Variants in TIMM9 observed in about 807,000 individuals in gnomAD.
TIMM9 encodes the protein mitochondrial import inner membrane translocase subunit Tim9.
A neutral mutation model predicts 13.4 loss-of-function variants in TIMM9; 10 were observed. The observed-to-expected ratio is 0.75, with a 90% confidence interval of 0.46 to 1.26. The LOEUF is 1.26. Ranked by LOEUF, TIMM9 falls within the 50% of genes most tolerant of loss-of-function variation. TIMM9 has a pLI of 0.00. For missense variants in TIMM9, 87 were observed against 100.8 expected (o/e 0.86, Z 0.58); for synonymous variants, 32 against 32.1 (o/e 1.00, Z 0.01).
intron 3 of TIMM9, among the ~76,000 whole-genome samples, chr14:58,423,514 CAAAAAAAAAAAA>C (rs398025245): frequency 6.0e-5 from 4 of 66,496 alleles, no homozygotes; most frequent in Non-Finnish European, 1.1e-4. Flanking sequence ...GACTTTGTCT[CAAAAAAAAAAAA>C]AAAAAAAAAA....
At chr14:58,426,770 G>A (rs924451754) in intron 2 of TIMM9, among the ~76,000 whole-genome samples, 1 of 152,146 alleles carries the variant, frequency 6.6e-6, no homozygotes, top group Non-Finnish European at 1.5e-5. Context: ...AGGTCACATC[G>A]TAAATACCTT....
chr14:58,410,076 T>C (rs1017114315), intron 5 of TIMM9, among the ~76,000 whole-genome samples: 2 of 151,590 alleles, frequency 1.3e-5, no homozygotes, highest in African/African-American at 2.4e-5. Context: ...TGGTGCTTTT[T>C]GTTGTTGTTG....
chr14:58,416,725 C>T (rs2036421448), intron 3 of TIMM9, among the ~76,000 whole-genome samples: 1 of 152,196 alleles, frequency 6.6e-6, no homozygotes, highest in Non-Finnish European at 1.5e-5. Flanking sequence ...CTATACTTCA[C>T]TTGAACTGGT....
intron 3 of TIMM9, among the ~76,000 whole-genome samples, chr14:58,416,983 A>C (rs1013900082): frequency 1.3e-5 from 2 of 152,020 alleles, no homozygotes; most frequent in Non-Finnish European, 2.9e-5. Flanking sequence ...TGTGGGAGGG[A>C]CCTGGTGGGA....
At chr14:58,422,791 T>G (rs2036626387) in intron 3 of TIMM9, among the ~76,000 whole-genome samples, 1 of 152,102 alleles carries the variant, frequency 6.6e-6, no homozygotes, top group Non-Finnish European at 1.5e-5. Context: ...ATTTATTTAT[T>G]TACTTATTTT....
In TIMM9 at chr14:58,427,492, T is replaced by G; in HGVS notation, c.-404A>C. 1.4e-5 allele frequency: 16 copies of G among 1,163,348 alleles called. No individual in the cohort carries two copies. Among genetic ancestry groups the G allele is most frequent in the Non-Finnish European group, 1.8e-5 (15 of 821,162 alleles). 72.1% of individuals were successfully genotyped at this position (1,163,348 alleles called of 1,614,324 possible). On this transcript the variant is annotated 5_prime_UTR_variant, in exon 1 of 6. Coordinates refer to ENST00000395159, the MANE Select transcript of TIMM9 (RefSeq NM_012460.4). ...AGTCGGGAGCTCTTCAAGTCTTGGA[T>G]GAGACTGTAGAGCGGTCTTGTGCGG...
chr14:58,421,133 G>A (rs1357812760), intron 3 of TIMM9, among the ~76,000 whole-genome samples: 1 of 152,296 alleles, frequency 6.6e-6, no homozygotes, highest in Admixed American at 6.5e-5. Flanking sequence ...GTGGGTGAAT[G>A]GTTAAACAAA....
chr14:58,423,401 G>A (rs2036644683), intron 3 of TIMM9, among the ~76,000 whole-genome samples: 1 of 150,484 alleles, frequency 6.6e-6, no homozygotes, highest in Admixed American at 6.6e-5. Context: ...GCCTATAATC[G>A]CAGCTACTCG....
chr14:58,427,484 G>A lies in TIMM9; in HGVS notation c.-396C>T, dbSNP rs1035941369. On this transcript the variant is annotated 5_prime_UTR_variant, in exon 1 of 6. Coordinates refer to ENST00000395159, the MANE Select transcript of TIMM9 (RefSeq NM_012460.4). The stretch of plus-strand genomic sequence containing the variant: ...GTATTACAAGTCGGGAGCTCTTCAA[G>A]TCTTGGATGAGACTGTAGAGCGGTC... The A allele has an allele frequency of 3.7e-6, 4 of 1,089,278 alleles. No individual in the cohort carries two copies. In the African/African-American group the frequency reaches 4.7e-5, roughly 13 times the overall value. The allele number at this position is 1,089,278 out of a possible 1,614,324, so 67.5% of individuals were successfully genotyped here. A position where few individuals can be genotyped will look rare whatever the true frequency, so the allele number is the denominator to read the frequency against.
At chr14:58,417,886 G>T (rs1395535398) in intron 3 of TIMM9, among the ~76,000 whole-genome samples, 1 of 151,908 alleles carries the variant, frequency 6.6e-6, no homozygotes, top group African/African-American at 2.4e-5. Context: ...AATGAAACAG[G>T]GTGTACATTA....
intron 4 of TIMM9, among the ~76,000 whole-genome samples, chr14:58,411,435 G>C (rs2036212350): frequency 6.6e-6 from 1 of 150,822 alleles, no homozygotes; most frequent in South Asian, 2.1e-4. Context: ...CCGACAAAGA[G>C]AGACTGTGTC....
chr14:58,424,792 A>G (rs1391917305), intron 2 of TIMM9, among the ~76,000 whole-genome samples: 1 of 152,192 alleles, frequency 6.6e-6, no homozygotes, highest in Non-Finnish European at 1.5e-5. Context: ...ACTTGAGCCC[A>G]GGAGCTTGAG....
intron 3 of TIMM9, among the ~76,000 whole-genome samples, chr14:58,413,126 T>TAGTAAGTCTTTGATTTTGGTGAGC (rs2036276439): frequency 6.6e-6 from 1 of 152,166 alleles, no homozygotes; most frequent in African/African-American, 2.4e-5. Flanking sequence ...CCTTTTCTGG[T>TAGTAAGTCTTTGATTTTGGTGAGC]AGTAAGTCTT....
At chr14:58,422,128 T>G (rs1447255041) in intron 3 of TIMM9, among the ~76,000 whole-genome samples, 1 of 151,986 alleles carries the variant, frequency 6.6e-6, no homozygotes. Flanking sequence ...TTTTTTTTTT[T>G]TTTGAGACGG....
At chr14:58,426,266 C>T (rs571596356) in intron 2 of TIMM9, among the ~76,000 whole-genome samples, 3 of 151,088 alleles carry the variant, frequency 2.0e-5, no homozygotes, top group South Asian at 4.2e-4. Flanking sequence ...AGCACAATGG[C>T]GCGATCTCAG....
intron 2 of TIMM9, among the ~76,000 whole-genome samples, chr14:58,425,942 C>T (rs927927837): frequency 3.3e-5 from 5 of 151,764 alleles, no homozygotes; most frequent in African/African-American, 7.3e-5. Context: ...GGTGAAACCC[C>T]GTCTCTAATA....
intron 5 of TIMM9, among the ~76,000 whole-genome samples, 162 bp downstream of exon 5, chr14:58,410,681 C>T (rs1332805701): frequency 6.6e-6 from 1 of 152,184 alleles, no homozygotes; most frequent in Non-Finnish European, 1.5e-5. Flanking sequence ...CTGTTAAACT[C>T]AATGCCGTGG....
chr14:58,422,165 G>A (rs2036607110), intron 3 of TIMM9, among the ~76,000 whole-genome samples: 1 of 150,570 alleles, frequency 6.6e-6, no homozygotes, highest in South Asian at 2.1e-4. Context: ...GCCCAGGCTG[G>A]AGTGCAATGG....
chr14:58,414,617 A>T (rs1311524903), intron 3 of TIMM9, among the ~76,000 whole-genome samples: 5 of 151,708 alleles, frequency 3.3e-5, no homozygotes, highest in Non-Finnish European at 5.9e-5. Context: ...TTATGCCTGT[A>T]ATCCCAGCTA....
Sources: allele counts gnomAD v4.1 joint callset (sites outside exome capture counted in the v4.1 genomes callset), GRCh38; gene constraint gnomAD v4.1.1; transcripts MANE v1.5; gene names NCBI Gene and HGNC (gene_info 2026-07-23, HGNC 2026-07-21).